Variants in ANKRD61 observed in about 807,000 individuals in gnomAD.
The protein encoded by ANKRD61 is ankyrin repeat domain-containing protein 61.
ANKRD61 carries 7 observed loss-of-function variants against 8.4 expected under a neutral mutation model. The observed-to-expected ratio is 0.84, with a 90% CI of 0.48 to 1.57. The LOEUF (loss-of-function observed/expected upper bound fraction) is 1.57, where lower values mean the gene tolerates loss of function less well. Ranked by LOEUF, ANKRD61 falls within the 40% of genes most tolerant of loss-of-function variation. The probability of loss-of-function intolerance (pLI) is 0.00; values close to 1 mark genes in which losing one functional copy is unlikely to be tolerated. For missense variants in ANKRD61, 516 were observed against 523.4 expected, an observed-to-expected ratio of 0.99 and a Z score of 0.14; for synonymous variants, 198 against 208.0, an observed-to-expected ratio of 0.95 and a Z score of 0.41.
rs1351147761 is a variant in ANKRD61, at chr7:6,036,041, T to G, written c.912T>G (p.Val304=). 1.3e-6 allele frequency: 2 copies of G among 1,550,952 alleles called. No homozygotes were observed. Among genetic ancestry groups the G allele is most frequent in the African/African-American group, 1.4e-5 (1 of 73,012 alleles). The change falls in exon 3 of 3, where the codon GTT becomes GTG. Residue 304 remains valine (V), a synonymous_variant. Transcript: ENST00000409061. The surrounding 1 kb of genome is among the most constrained non-coding windows in gnomAD (Gnocchi z 4.6). ...INLLLEFEAN[V]NILTRNGESP... is the part of the protein sequence containing the mutation. ...TCCTGCTTGAATTTGAAGCAAATGTTAACATTTTAACAAGAAACGGGGAAT... is the reference window on the plus strand; with the variant it reads ...TCCTGCTTGAATTTGAAGCAAATGTGAACATTTTAACAAGAAACGGGGAAT...
chr7:6,031,531 T>C lies in ANKRD61; in HGVS notation c.156T>C (p.Pro52=). The change falls in exon 1 of 3, where the codon CCT becomes CCC. Residue 52 remains proline, a synonymous_variant. Transcript: ENST00000409061. ...TTIEVLLRNH[P]VNQPITILPN... is the part of the protein sequence containing the mutation. ...TCGAGGTACTCCTGAGAAATCACCC[T>C]GTCAACCAGCCCATCACCATTCTGC... The C allele has an allele frequency of 1.3e-6, 2 of 1,550,714 alleles. No homozygotes were observed. Among genetic ancestry groups the C allele is most frequent in the South Asian group, 1.2e-5 (1 of 84,064 alleles).
Position 6,035,421 on chromosome 7 carries a change from C to T in ANKRD61, c.315-23C>T, listed in dbSNP as rs961066656. On this transcript the variant is annotated intron_variant, in intron 2 of 2. Coordinates refer to ENST00000409061, the MANE Select transcript of ANKRD61 (RefSeq NM_001271700.2). The surrounding 1 kb of genome is among the most constrained non-coding windows in gnomAD (Gnocchi z 5.5). ...CGTTCCCACTGTGAATTCAGTGTAA[C>T]GTGTAATCAATACCCATTCTAGGGA... 13 of 1,536,764 alleles carry T rather than the reference C, an allele frequency of 8.5e-6. No individual in the cohort carries two copies. Among genetic ancestry groups the T allele is most frequent in the East Asian group, 7.4e-5 (3 of 40,696 alleles).
chr7:6,032,993 G>A lies in ANKRD61; in HGVS notation c.314+57G>A. 1.4e-6 allele frequency: 2 copies of A among 1,441,238 alleles called. No homozygotes were observed. Among genetic ancestry groups the A allele is most frequent in the Non-Finnish European group, 9.4e-7 (1 of 1,058,260 alleles). 89.3% of individuals were successfully genotyped at this position (1,441,238 alleles called of 1,614,324 possible). On this transcript the variant is annotated intron_variant, in intron 2 of 2. Coordinates refer to ENST00000409061, the MANE Select transcript of ANKRD61 (RefSeq NM_001271700.2). This position sits in a 1 kb window ranked among gnomAD's most constrained non-coding sequence, Gnocchi z 4.3. ...TTTTTTCTTTTTTGTTTTGAGGCAG[G>A]GGTCTCGCTCTGTTGCCCAGGCTGG...
chr7:6,032,649 G>C lies in ANKRD61; in HGVS notation c.217-190G>C, dbSNP rs1313025542. ...ATTTCTGTGAAACACAGATTTTATA[G>C]GATGGAATTCACTGAATTTTGATCA... On this transcript the variant is annotated intron_variant, in intron 1 of 2. Coordinates refer to ENST00000409061, the MANE Select transcript of ANKRD61 (RefSeq NM_001271700.2). The surrounding 1 kb of genome is among the most constrained non-coding windows in gnomAD (Gnocchi z 4.3). Among the ~76,000 whole-genome samples, 3 of 152,176 alleles carry C rather than the reference G, an allele frequency of 2.0e-5. No individual in the cohort carries two copies. Among genetic ancestry groups the C allele is most frequent in the Admixed American group, 2.0e-4 (3 of 15,270 alleles).
Position 6,036,301 on chromosome 7 carries a change from A to C in ANKRD61, c.1172A>C (p.Lys391Thr). The change falls in exon 3 of 3, where the codon AAA becomes ACA. Residue 391 changes from lysine to threonine, a missense_variant. By Grantham distance (78) the Lys-to-Thr change is moderately conservative. Transcript: ENST00000409061. The surrounding 1 kb of genome is among the most constrained non-coding windows in gnomAD (Gnocchi z 4.6). ...AACATCAGGAATATTTATGGTGAGA[A>C]ATACAAACAGCACTTGAAGCAATTC... Reference protein sequence around the residue: ...KRNIRNIYGEKYKQHLKQFLP... With the variant: ...KRNIRNIYGETYKQHLKQFLP... 1 of 1,547,986 alleles carries C rather than the reference A, an allele frequency of 6.5e-7. No homozygotes were observed. The highest frequency in any genetic ancestry group is 1.7e-4 in the Middle Eastern group (1 of 5,974).
chr7:6,032,949 C>A lies in ANKRD61; in HGVS notation c.314+13C>A, dbSNP rs917753448. ...ACCCAGAAGTCAGGTAAGTTAACTC[C>A]ACCGAAAATCATTTCTTTTTTTTTC... On this transcript the variant is annotated intron_variant, in intron 2 of 2. Coordinates refer to ENST00000409061, the MANE Select transcript of ANKRD61 (RefSeq NM_001271700.2). The surrounding 1 kb of genome is among the most constrained non-coding windows in gnomAD (Gnocchi z 4.3). 1 of 1,541,216 alleles carries A rather than the reference C, an allele frequency of 6.5e-7. No individual in the cohort carries two copies. Among genetic ancestry groups the A allele is most frequent in the Admixed American group, 2.0e-5 (1 of 50,798 alleles).
rs1275913712 is a variant in ANKRD61 at position 6,036,435 on chromosome 7, T to C, written c.*49T>C. 1 of 1,350,176 alleles carries C rather than the reference T, an allele frequency of 7.4e-7. No homozygotes were observed. The highest frequency in any genetic ancestry group is 3.0e-5 in the Admixed American group (1 of 33,472). 83.6% of individuals were successfully genotyped at this position (1,350,176 alleles called of 1,614,324 possible). Reference sequence around the variant, plus strand: ...CAGAGGGACTTTCAGCCACTCAAACTGCATTTTCTGGCTAGACATGTCCCA... The same window carrying C: ...CAGAGGGACTTTCAGCCACTCAAACCGCATTTTCTGGCTAGACATGTCCCA... On this transcript the variant is annotated 3_prime_UTR_variant, in exon 3 of 3. Coordinates refer to ENST00000409061, the MANE Select transcript of ANKRD61 (RefSeq NM_001271700.2). The surrounding 1 kb of genome is among the most constrained non-coding windows in gnomAD (Gnocchi z 4.6).
intron 2 of ANKRD61, among the ~76,000 whole-genome samples, chr7:6,034,263 C>T (rs533579721): frequency 1.3e-5 from 2 of 152,100 alleles, no homozygotes; most frequent in Non-Finnish European, 2.9e-5. Flanking sequence ...GCCAAAATCA[C>T]GCCACCACAC....
rs371029461 is a variant in ANKRD61 at position 6,035,303 on chromosome 7, C to T, written c.315-141C>T. The stretch of plus-strand genomic sequence containing the variant: ...TGGGATAGCCTGAGAAACTACCCAG[C>T]GATACAGATTTTGAAACACGTCCTT... On this transcript the variant is annotated intron_variant, in intron 2 of 2. Coordinates refer to ENST00000409061, the MANE Select transcript of ANKRD61 (RefSeq NM_001271700.2). The surrounding 1 kb of genome is among the most constrained non-coding windows in gnomAD (Gnocchi z 5.5). 4.3e-4 allele frequency: 364 copies of T among 851,784 alleles called. 8 individuals are homozygous for T. The South Asian group carries it at 6.7e-3, about 16-fold the overall frequency. 52.8% of individuals were successfully genotyped at this position (851,784 alleles called of 1,614,324 possible). A position where few individuals can be genotyped will look rare whatever the true frequency, so the allele number is the denominator to read the frequency against.
At chr7:6,034,197 C>T (rs1158071232) in intron 2 of ANKRD61, among the ~76,000 whole-genome samples, 1 of 151,898 alleles carries the variant, frequency 6.6e-6, no homozygotes, top group Non-Finnish European at 1.5e-5. Context: ...GTCCCAGCTA[C>T]TCGGGAGGCT....
chr7:6,036,222 AC>A lies in ANKRD61; in HGVS notation c.1096del (p.Leu366Ter), dbSNP rs746255682. 112 of 1,550,090 alleles carry A rather than the reference AC, an allele frequency of 7.2e-5. 1 individual carries two copies. The South Asian group carries it at 1.2e-3, about 17-fold the overall frequency. On this transcript the variant is annotated frameshift_variant, in exon 3 of 3. Transcript: ENST00000409061. LOFTEE classifies it low-confidence loss of function (END_TRUNC). This position sits in a 1 kb window ranked among gnomAD's most constrained non-coding sequence, Gnocchi z 4.6. ...MLPEFRLLRD[T>X]LIKQSQKPLS... ...ACCAGAATTCCGCCTCTTAAGGGACACCCTAATAAAGCAATCGCAAAAACCT... is the reference window on the plus strand; with the variant it reads ...ACCAGAATTCCGCCTCTTAAGGGACACCTAATAAAGCAATCGCAAAAACCT...
In ANKRD61 at chr7:6,032,912, G is replaced by C; in HGVS notation, c.290G>C (p.Arg97Pro). ...GCCCAGAGTCTGCTCTGCCTGTTACGGCACGGTGCTGACCCAGAAGTCAGG... is the reference window on the plus strand; with the variant it reads ...GCCCAGAGTCTGCTCTGCCTGTTACCGCACGGTGCTGACCCAGAAGTCAGG... ...HKAQSLLCLL[R>P]HGADPEVRDT... Residue 97 changes from arginine to proline, a missense_variant, in exon 2 of 3, where the codon CGG becomes CCG. Arg to Pro is a moderately radical substitution (Grantham distance 103). Coordinates refer to ENST00000409061, the MANE Select transcript of ANKRD61 (RefSeq NM_001271700.2). The surrounding 1 kb of genome is among the most constrained non-coding windows in gnomAD (Gnocchi z 4.3). 2 of 1,550,796 alleles carry C rather than the reference G, an allele frequency of 1.3e-6. No homozygotes were observed. The highest frequency in any genetic ancestry group is 8.7e-7 in the Non-Finnish European group (1 of 1,146,926).
At position 6,035,449 on chromosome 7, in the gene ANKRD61, C is replaced by A. The variant is rs771412351; in HGVS notation, c.320C>A (p.Thr107Lys). Residue 107 changes from threonine (T) to lysine (K), a missense_variant, in exon 3 of 3, where the codon ACG becomes AAG. Physicochemically the swap from Thr to Lys is moderately conservative, Grantham distance 78. Transcript: ENST00000409061. The surrounding 1 kb of genome is among the most constrained non-coding windows in gnomAD (Gnocchi z 5.5). ...GTAATCAATACCCATTCTAGGGACA[C>A]GACAGGCCTCACCACACTCAACTTA... ...RHGADPEVRD[T>K]TGLTTLNLML... 2 of 1,549,568 alleles carry A rather than the reference C, an allele frequency of 1.3e-6. No homozygotes were observed. The highest frequency in any genetic ancestry group is 1.7e-6 in the Non-Finnish European group (2 of 1,146,272).
rs975755708 is a variant in ANKRD61, at chr7:6,032,614, G to C, written c.217-225G>C. 6.6e-6 allele frequency among the ~76,000 whole-genome samples: 1 copy of C among 152,152 alleles called. No homozygotes were observed. The highest frequency in any genetic ancestry group is 1.5e-5 in the Non-Finnish European group (1 of 68,038). On this transcript the variant is annotated intron_variant, in intron 1 of 2. Transcript: ENST00000409061. This position sits in a 1 kb window ranked among gnomAD's most constrained non-coding sequence, Gnocchi z 4.3. ...TTTGAGTGTTATTTCTGTTGCCTCA[G>C]TAAATGTGCATTTCTGTGAAACACA...
Position 6,031,493 on chromosome 7 carries a change from G to C in ANKRD61, c.118G>C (p.Asp40His). 6.4e-7 allele frequency: 1 copy of C among 1,550,720 alleles called. No homozygotes were observed. Among genetic ancestry groups the C allele is most frequent in the South Asian group, 1.2e-5 (1 of 84,066 alleles). Reference protein sequence around the residue: ...SKLYEAIMREDCTTIEVLLRN... With the variant: ...SKLYEAIMREHCTTIEVLLRN... Reference sequence around the variant, plus strand: ...ACTCTATGAAGCCATCATGAGAGAAGACTGCACTACGATCGAGGTACTCCT... The same window carrying C: ...ACTCTATGAAGCCATCATGAGAGAACACTGCACTACGATCGAGGTACTCCT... The change falls in exon 1 of 3, where the codon GAC becomes CAC. Residue 40 changes from aspartate to histidine, a missense_variant. Coordinates refer to ENST00000409061, the MANE Select transcript of ANKRD61 (RefSeq NM_001271700.2).
In ANKRD61 at chr7:6,033,813, TC is replaced by T. The variant is rs1406398080; in HGVS notation, c.314+879del. The stretch of plus-strand genomic sequence containing the variant: ...CTCAATCTCCTGACCTCGTGATCCG[TC>T]CACCTCAGCCTCCCAAAGTGCTGGG... On this transcript the variant is annotated intron_variant, in intron 2 of 2. Transcript: ENST00000409061. This position sits in a 1 kb window ranked among gnomAD's most constrained non-coding sequence, Gnocchi z 4.4. 6.6e-6 allele frequency among the ~76,000 whole-genome samples: 1 copy of T among 151,070 alleles called. No individual in the cohort carries two copies. Among genetic ancestry groups the T allele is most frequent in the Non-Finnish European group, 1.5e-5 (1 of 67,672 alleles).
In ANKRD61 at chr7:6,033,308, T is replaced by C. The variant is rs1158334983; in HGVS notation, c.314+372T>C. Among the ~76,000 whole-genome samples the C allele has an allele frequency of 1.3e-5, 2 of 152,314 alleles. No homozygotes were observed. Among genetic ancestry groups the C allele is most frequent in the East Asian group, 1.9e-4 (1 of 5,186 alleles). ...TTTCTAAGTGAGGATATACCTGATA[T>C]AGATTTTTTTTTCAGTTCATACATT... On this transcript the variant is annotated intron_variant, in intron 2 of 2. Transcript: ENST00000409061. This position sits in a 1 kb window ranked among gnomAD's most constrained non-coding sequence, Gnocchi z 4.4.
At position 6,032,505 on chromosome 7, in the gene ANKRD61, G is replaced by A. The variant is rs1042420720; in HGVS notation, c.217-334G>A. On this transcript the variant is annotated intron_variant, in intron 1 of 2. Coordinates refer to ENST00000409061, the MANE Select transcript of ANKRD61 (RefSeq NM_001271700.2). This position sits in a 1 kb window ranked among gnomAD's most constrained non-coding sequence, Gnocchi z 4.3. The stretch of plus-strand genomic sequence containing the variant: ...TCCATCACCCTGTGGGTTAATTTAA[G>A]GAATAAGTGACTTCATAGCAAGTAC... Among the ~76,000 whole-genome samples the A allele has an allele frequency of 3.9e-5, 6 of 152,196 alleles. No homozygotes were observed. The highest frequency in any genetic ancestry group is 1.4e-4 in the African/African-American group (6 of 41,450).
rs1280724184 is a variant in ANKRD61 at position 6,033,801 on chromosome 7, C to T, written c.314+865C>T. Among the ~76,000 whole-genome samples the T allele has an allele frequency of 6.6e-6, 1 of 151,582 alleles. No individual in the cohort carries two copies. Among genetic ancestry groups the T allele is most frequent in the Non-Finnish European group, 1.5e-5 (1 of 67,880 alleles). ...AGCCAGGATAGTCTCAATCTCCTGA[C>T]CTCGTGATCCGTCCACCTCAGCCTC... is the stretch of plus-strand genomic sequence containing the variant. On this transcript the variant is annotated intron_variant, in intron 2 of 2. Transcript: ENST00000409061. The surrounding 1 kb of genome is among the most constrained non-coding windows in gnomAD (Gnocchi z 4.4).
Sources: allele counts gnomAD v4.1 joint callset (sites outside exome capture counted in the v4.1 genomes callset), GRCh38; gene constraint gnomAD v4.1.1; non-coding constraint Gnocchi (gnomAD v3.1); transcripts MANE v1.5; gene names NCBI Gene and HGNC (gene_info 2026-07-23, HGNC 2026-07-21).